Variants in AP1B1 observed in about 807,000 individuals in gnomAD.
AP1B1 encodes the protein adaptor related protein complex 1 subunit beta 1.
AP1B1 carries 36 observed loss-of-function variants against 104.3 expected under a neutral mutation model. The observed-to-expected ratio is 0.35, with a 90% CI of 0.26 to 0.46. The LOEUF (loss-of-function observed/expected upper bound fraction) is 0.46. Among genes scored for constraint, AP1B1 ranks in the 20% least tolerant of loss-of-function variants. The pLI, the probability that AP1B1 is intolerant of heterozygous loss-of-function variation, is 1.00. For synonymous variants in AP1B1, 504 were observed against 517.5 expected (o/e 0.97, Z 0.35); for missense variants, 901 against 1,247.9 (o/e 0.72, Z 4.19).
rs573591165 is a variant in AP1B1 at position 29,339,943 on chromosome 22, G to A, written c.1999-169C>T. Among the ~76,000 whole-genome samples, 43 of 151,920 alleles carry A rather than the reference G, an allele frequency of 2.8e-4. No homozygotes were observed. In the East Asian group the frequency reaches 6.6e-3, roughly 23 times the overall value. The stretch of plus-strand genomic sequence containing the variant: ...AGGTCTGGCGAGAGGCCCAGACCCT[G>A]TCTCTATGAAAGGCACTACCCCACA... On this transcript the variant is annotated intron_variant, in intron 14 of 22. Transcript: ENST00000357586.
intron 22 of AP1B1, chr22:29,329,416 CCATCCA>C: frequency 7.7e-7 from 1 of 1,297,880 alleles, no homozygotes. Flanking sequence ...GAGCCCCCAC[CCATCCA>C]CTCTAAAGCA....
chr22:29,346,864 C>G (rs1206590793), intron 11 of AP1B1, among the ~76,000 whole-genome samples: 1 of 152,158 alleles, frequency 6.6e-6, no homozygotes, highest in Admixed American at 6.5e-5. Context: ...GCTCACCCAG[C>G]ATCTATTCTG....
chr22:29,356,383 G>C, intron 6 of AP1B1, 43 bp downstream of exon 6: 1 of 1,568,854 alleles, frequency 6.4e-7, no homozygotes. Flanking sequence ...CTGAGGACCA[G>C]GGTCCTCAAG....
At chr22:29,334,541 A>T in intron 16 of AP1B1, 131 bp from the exon 17 acceptor site, 2 of 998,504 alleles carry the variant, frequency 2.0e-6, no homozygotes, top group Non-Finnish European at 2.8e-6. Context: ...CCCCACCTTT[A>T]CTGCTAGGGG....
chr22:29,357,821 G>C (rs2061984127), intron 5 of AP1B1, among the ~76,000 whole-genome samples: 1 of 151,086 alleles, frequency 6.6e-6, no homozygotes, highest in South Asian at 2.1e-4. Context: ...CTGAGTAGCT[G>C]GGATTACAGG....
At chr22:29,380,183 T>C (rs944183758) in intron 1 of AP1B1, among the ~76,000 whole-genome samples, 2 of 152,114 alleles carry the variant, frequency 1.3e-5, no homozygotes, top group African/African-American at 4.8e-5. Context: ...AAACCTGTCT[T>C]CCCTCAAATG....
intron 7 of AP1B1, among the ~76,000 whole-genome samples, chr22:29,353,818 C>G (rs149070393): frequency 6.6e-6 from 1 of 152,152 alleles, no homozygotes; most frequent in African/African-American, 2.4e-5. Flanking sequence ...CAAGTCCCCA[C>G]GAATGATCAA....
intron 17 of AP1B1, chr22:29,332,367 C>G (rs563487661): frequency 1.3e-5 from 2 of 155,324 alleles, no homozygotes; most frequent in Admixed American, 1.3e-4. Flanking sequence ...CCAAGCAAGA[C>G]GCTAGATTTT....
intron 2 of AP1B1, among the ~76,000 whole-genome samples, chr22:29,365,448 T>C (rs2062119778): frequency 1.3e-5 from 2 of 151,824 alleles, no homozygotes; most frequent in South Asian, 4.2e-4. Context: ...GCAGAGATCT[T>C]CCCATTGCAC....
intron 10 of AP1B1, 132 bp from the exon 11 acceptor site, chr22:29,349,515 G>GTTT: frequency 1.1e-6 from 1 of 889,964 alleles, no homozygotes; most frequent in Non-Finnish European, 1.7e-6. Flanking sequence ...GGGGATCTGA[G>GTTT]TTTTGTTTTT....
chr22:29,359,763 A>T (rs1353526343), intron 4 of AP1B1, 61 bp downstream of exon 4: 19 of 1,560,980 alleles, frequency 1.2e-5, no homozygotes, highest in Non-Finnish European at 1.5e-5. Flanking sequence ...CCCCAAAGAG[A>T]CTGAGGGGAG....
At chr22:29,361,569 A>C (rs199871520) in intron 3 of AP1B1, among the ~76,000 whole-genome samples, 2,913 of 152,268 alleles carry the variant, frequency 0.019, 28 homozygotes, top group South Asian at 0.045. Context: ...AACAAATCTC[A>C]AAATGTTCTG....
chr22:29,359,831 A>G lies in AP1B1; in HGVS notation c.272T>C (p.Phe91Ser), dbSNP rs754382042. The G allele has an allele frequency of 6.2e-7, 1 of 1,613,356 alleles. No individual in the cohort carries two copies. Among genetic ancestry groups the G allele is most frequent in the East Asian group, 2.2e-5 (1 of 44,870 alleles). ...CACCAAGCGTCTGCTCACCTTCACA[A>G]AGGTGTTGACGGCCATAATGGCCAT... is the stretch of plus-strand genomic sequence containing the variant. ...PDMAIMAVNT[F>S]VKDCEDPNPL... Residue 91 changes from phenylalanine (F) to serine (S), a missense_variant, in exon 4 of 23, where the codon TTT becomes TCT. Around this residue, in one of 3 missense-constraint regions of AP1B1, gnomAD observed 471 missense variants for 696.7 expected, o/e 0.68. Coordinates refer to ENST00000357586, the MANE Select transcript of AP1B1 (RefSeq NM_001127.4).
chr22:29,379,025 T>A lies in AP1B1; in HGVS notation c.-28+9399A>T, dbSNP rs528820048. The stretch of plus-strand genomic sequence containing the variant: ...GAATCAGGTACCAGTTCTGAACTGA[T>A]CTATAAGCCGTAATGTGCGGAAAGA... On this transcript the variant is annotated intron_variant, in intron 1 of 22. Transcript: ENST00000357586. Among the ~76,000 whole-genome samples the A allele has an allele frequency of 2.6e-5, 4 of 151,968 alleles. No homozygotes were observed. In the East Asian group the frequency reaches 7.8e-4, roughly 30 times the overall value.
intron 1 of AP1B1, among the ~76,000 whole-genome samples, chr22:29,376,880 A>G (rs1016618458): frequency 4.0e-5 from 6 of 151,858 alleles, no homozygotes; most frequent in Admixed American, 2.6e-4. Context: ...ACCACTCCTC[A>G]TTTGTCTGAC....
At chr22:29,349,015 C>A (rs886987826) in intron 11 of AP1B1, among the ~76,000 whole-genome samples, 1 of 152,202 alleles carries the variant, frequency 6.6e-6, no homozygotes, top group African/African-American at 2.4e-5. Context: ...TCCACGCACA[C>A]CACCACAGAC....
chr22:29,354,553 G>T, intron 7 of AP1B1, 97 bp downstream of exon 7: 2 of 1,184,210 alleles, frequency 1.7e-6, no homozygotes, highest in Non-Finnish European at 2.5e-6. Flanking sequence ...GAGACTTCCT[G>T]CATGGTGACA....
At chr22:29,337,979 A>C (rs372847864) in intron 16 of AP1B1, among the ~76,000 whole-genome samples, 1 of 152,194 alleles carries the variant, frequency 6.6e-6, no homozygotes, top group South Asian at 2.1e-4. Flanking sequence ...CAGGATCAAG[A>C]AGAAACGCTC....
In AP1B1 at chr22:29,345,830, G is replaced by C. The variant is rs554905045; in HGVS notation, c.1437+3388C>G. 3.3e-5 allele frequency among the ~76,000 whole-genome samples: 5 copies of C among 152,196 alleles called. 1 individual carries two copies. The South Asian group carries it at 1.0e-3, about 32-fold the overall frequency. ...CTCCTGAGTGGCTGGGATTACAGAC[G>C]CACACCACCATGCCTGGCTAATTTT... is the stretch of plus-strand genomic sequence containing the variant. On this transcript the variant is annotated intron_variant, in intron 11 of 22. Transcript: ENST00000357586.
Sources: allele counts gnomAD v4.1 joint callset (sites outside exome capture counted in the v4.1 genomes callset), GRCh38; gene constraint gnomAD v4.1.1; regional missense constraint gnomAD v4.1.1; transcripts MANE v1.5; gene names NCBI Gene and HGNC (gene_info 2026-07-23, HGNC 2026-07-21).